The following LAMP2 variants were observed in gnomAD, a reference collection of about 807,000 sequenced individuals.
LAMP2 encodes lysosome-associated membrane glycoprotein 2.
In LAMP2, 4 loss-of-function variants were observed where a neutral mutation model predicts 25.6. The observed-to-expected ratio is 0.16, with a 90% CI of 0.08 to 0.36. The LOEUF is 0.36. Ranked by LOEUF, LAMP2 falls within the 10% of genes least tolerant of loss-of-function variation. The probability of loss-of-function intolerance (pLI) is 1.00; values close to 1 mark genes in which losing one functional copy is unlikely to be tolerated. For missense variants in LAMP2, 272 were observed against 301.4 expected (o/e 0.90, Z 0.72); for synonymous variants, 108 against 112.7 (o/e 0.96, Z 0.27).
intron 1 of LAMP2, among the ~76,000 whole-genome samples, chrX:120,458,428 A>T (rs995092270): frequency 6.2e-5 from 7 of 112,096 alleles, no homozygotes; most frequent in Non-Finnish European, 1.3e-4. Flanking sequence ...TTTATGAAAC[A>T]AAAGGTAGAG....
chrX:120,443,744 T>C (rs775619568), intron 6 of LAMP2, among the ~76,000 whole-genome samples: 3 of 111,433 alleles, frequency 2.7e-5, no homozygotes, highest in South Asian at 3.8e-4. Flanking sequence ...AAGAGAAACA[T>C]TGTGAGGCAG....
chrX:120,429,847 T>A lies in LAMP2; in HGVS notation c.*1476A>T, dbSNP rs986632884. 1.3e-6 allele frequency: 1 copy of A among 753,080 alleles called. No homozygotes were observed. Among genetic ancestry groups the A allele is most frequent in the African/African-American group, 2.3e-5 (1 of 43,841 alleles). 62.1% of individuals were successfully genotyped at this position (753,080 alleles called of 1,213,427 possible). On this transcript the variant is annotated 3_prime_UTR_variant, in exon 9 of 9. Coordinates refer to ENST00000200639, the MANE Select transcript of LAMP2 (RefSeq NM_002294.3). ...TAATCGTTAAGGTCCTTTCCAGTAATAGCTAATGAAATTAACAAAATGTGT... is the reference window on the plus strand; with the variant it reads ...TAATCGTTAAGGTCCTTTCCAGTAAAAGCTAATGAAATTAACAAAATGTGT...
intron 3 of LAMP2, among the ~76,000 whole-genome samples, chrX:120,450,866 TTATA>T (rs769075890): frequency 9.2e-6 from 1 of 109,020 alleles, no homozygotes; most frequent in African/African-American, 3.3e-5. Flanking sequence ...TATATAATCT[TTATA>T]TATATATATG....
chrX:120,452,806 G>A (rs2058628166), intron 3 of LAMP2, among the ~76,000 whole-genome samples: 1 of 103,283 alleles, frequency 9.7e-6, no homozygotes, highest in African/African-American at 3.6e-5. Context: ...AGCCTGCCTC[G>A]GCCACCCAAA....
At chrX:120,438,202 G>A (rs2058554283) in intron 8 of LAMP2, 1 of 750,105 alleles carries the variant, frequency 1.3e-6, no homozygotes, top group Admixed American at 8.7e-5. Flanking sequence ...CGTTATCTAG[G>A]TTCTAGGACA....
At chrX:120,453,794 C>T (rs2058632403) in intron 3 of LAMP2, among the ~76,000 whole-genome samples, 1 of 112,133 alleles carries the variant, frequency 8.9e-6, no homozygotes, top group Non-Finnish European at 1.9e-5. Flanking sequence ...GGCGACAGAG[C>T]GAGACTCCAG....
chrX:120,459,239 CG>C (rs1921224279), intron 1 of LAMP2, among the ~76,000 whole-genome samples: 2 of 111,938 alleles, frequency 1.8e-5, no homozygotes, highest in African/African-American at 6.5e-5. Context: ...GGATTTTGCT[CG>C]CTTTTTGGCT....
intron 5 of LAMP2, 140 bp from the exon 6 acceptor site, chrX:120,446,567 C>T (rs768071620): frequency 3.2e-6 from 2 of 616,149 alleles, no homozygotes; most frequent in Admixed American, 5.0e-5. Flanking sequence ...ATGGTGTCTT[C>T]ACTTTCAAAC....
At chrX:120,432,928 CAA>C (rs60129285) in intron 8 of LAMP2, among the ~76,000 whole-genome samples, 49 of 73,699 alleles carry the variant, frequency 6.6e-4, no homozygotes, top group South Asian at 6.6e-4. Context: ...GAACCCATCT[CAA>C]AAAAAAAAAA....
Position 120,427,157 on chromosome X carries a change from T to A in LAMP2, c.*4166A>T, listed in dbSNP as rs2058502072. 8.9e-6 allele frequency among the ~76,000 whole-genome samples: 1 copy of A among 111,842 alleles called. No homozygotes were observed. The highest frequency in any genetic ancestry group is 1.9e-5 in the Non-Finnish European group (1 of 53,144). The stretch of plus-strand genomic sequence containing the variant: ...CACTTTATTTAAGGTTCAGGCTTAA[T>A]TTTTTTAATCCAAAAAAAATTTCTG... On this transcript the variant is annotated 3_prime_UTR_variant, in exon 9 of 9. Transcript: ENST00000200639.
chrX:120,435,478 T>C (rs7888316), intron 8 of LAMP2, among the ~76,000 whole-genome samples: 82 of 112,300 alleles, frequency 7.3e-4, no homozygotes, highest in African/African-American at 2.6e-3. Context: ...CCAAGTCTTA[T>C]AAGAATTCCT....
In LAMP2 at chrX:120,428,254, C is replaced by T; in HGVS notation, c.*3069G>A. The T allele has an allele frequency of 3.4e-6, 1 of 293,733 alleles. No individual in the cohort carries two copies. The highest frequency in any genetic ancestry group is 5.6e-6 in the Non-Finnish European group (1 of 178,673). 24.2% of individuals were successfully genotyped at this position (293,733 alleles called of 1,213,427 possible). On this transcript the variant is annotated 3_prime_UTR_variant, in exon 9 of 9. Coordinates refer to ENST00000200639, the MANE Select transcript of LAMP2 (RefSeq NM_002294.3). Reference sequence around the variant, plus strand: ...CATTATTTACTTAAAAAATTCTAAGCCACAATTTTTCTTTTAATTATACTT... The same window carrying T: ...CATTATTTACTTAAAAAATTCTAAGTCACAATTTTTCTTTTAATTATACTT...
rs756111272 is a variant in LAMP2, at chrX:120,449,142, T to C, written c.398-14A>G. The C allele has an allele frequency of 8.6e-7, 1 of 1,164,567 alleles. No homozygotes were observed. Among genetic ancestry groups the C allele is most frequent in the Admixed American group, 2.2e-5 (1 of 45,703 alleles). ...CAGTAAGAATTCCTATAAAACAAGA[T>C]TAACAATGGCTATTTCCAAGAAGGT... On this transcript the variant is annotated splice_polypyrimidine_tract_variant and intron_variant, in intron 3 of 8. Transcript: ENST00000200639.
intron 1 of LAMP2, among the ~76,000 whole-genome samples, chrX:120,468,879 C>T: frequency 9.0e-6 from 1 of 111,634 alleles, no homozygotes; most frequent in Non-Finnish European, 1.9e-5. Flanking sequence ...GGCGTCCACC[C>T]CCCGTTACCG....
chrX:120,438,158 A>G lies in LAMP2; in HGVS notation c.1093+3572T>C, dbSNP rs769898129. 131 of 747,291 alleles carry G rather than the reference A, an allele frequency of 1.8e-4. No homozygotes were observed. In the African/African-American group the frequency reaches 2.7e-3, roughly 16 times the overall value. The allele number at this position is 747,291 out of a possible 1,213,427, so 61.6% of individuals were successfully genotyped here. On this transcript the variant is annotated intron_variant, in intron 8 of 8. Coordinates refer to ENST00000200639, the MANE Select transcript of LAMP2 (RefSeq NM_002294.3). Reference sequence around the variant, plus strand: ...AGGCGTGAGCCGCCACGCCCAGCCTAGATGCAAGTTATTTTATAAGTGTAA... The same window carrying G: ...AGGCGTGAGCCGCCACGCCCAGCCTGGATGCAAGTTATTTTATAAGTGTAA...
intron 8 of LAMP2, among the ~76,000 whole-genome samples, chrX:120,433,279 T>C (rs978236744): frequency 1.8e-5 from 2 of 111,312 alleles, no homozygotes; most frequent in African/African-American, 6.5e-5. Flanking sequence ...GAATGGGAAG[T>C]GATTGGTTAG....
intron 5 of LAMP2, 33 bp downstream of exon 5, chrX:120,447,808 A>G: frequency 4.4e-6 from 5 of 1,140,640 alleles, no homozygotes; most frequent in Non-Finnish European, 6.0e-6. Flanking sequence ...TGAAATGCAA[A>G]AAGGATGTAT....
At position 120,426,937 on chromosome X, in the gene LAMP2, T is replaced by G. The variant is rs1380677424; in HGVS notation, c.*4386A>C. ...TAACTTTCTACTCCAGTTTTTGAGA[T>G]GTACATGTTTTTGAGATGTACATAT... On this transcript the variant is annotated 3_prime_UTR_variant, in exon 9 of 9. Transcript: ENST00000200639. 4.5e-5 allele frequency among the ~76,000 whole-genome samples: 5 copies of G among 112,306 alleles called. No individual in the cohort carries two copies. Among genetic ancestry groups the G allele is most frequent in the African/African-American group, 1.6e-4 (5 of 30,902 alleles).
At chrX:120,456,189 T>C (rs774973069) in intron 2 of LAMP2, among the ~76,000 whole-genome samples, 1 of 107,741 alleles carries the variant, frequency 9.3e-6, no homozygotes, top group Non-Finnish European at 1.9e-5. Context: ...TGTGCCACCA[T>C]GCCTGGCTAA....
Sources: allele counts gnomAD v4.1 joint callset (sites outside exome capture counted in the v4.1 genomes callset), GRCh38; gene constraint gnomAD v4.1.1; transcripts MANE v1.5; gene names NCBI Gene and HGNC (gene_info 2026-07-23, HGNC 2026-07-21).